RASAL2: variants seen among roughly 807,000 people sequenced by gnomAD.
RASAL2 encodes RAS protein activator like 2.
In RASAL2, 58 loss-of-function variants were observed where a neutral mutation model predicts 128.9. That is an observed-to-expected ratio of 0.45 (90% CI 0.36 to 0.56). The LOEUF is 0.56. RASAL2 is among the 20% of genes least tolerant of loss of function. The pLI, the probability that RASAL2 is intolerant of heterozygous loss-of-function variation, is 0.00. For synonymous variants in RASAL2, 561 were observed against 580.8 expected (o/e 0.97, Z 0.49); for missense variants, 1,360 against 1,601.6 (o/e 0.85, Z 2.57).
chr1:178,277,973 CACCCAGAGTTGTTTGTCTCAT>C (rs1666605005), intron 1 of RASAL2, among the ~76,000 whole-genome samples: 1 of 152,166 alleles, frequency 6.6e-6, no homozygotes, highest in Admixed American at 6.5e-5. Context: ...TGTGAGACAT[CACCCAGAGTTGTTTGTCTCAT>C]GACCAAGAGA....
At chr1:178,453,571 T>G (rs879616128) in intron 11 of RASAL2, among the ~76,000 whole-genome samples, 2 of 152,136 alleles carry the variant, frequency 1.3e-5, no homozygotes, top group Non-Finnish European at 2.9e-5. Flanking sequence ...GGGAAGGAAA[T>G]GTACTAAAAT....
intron 1 of RASAL2, among the ~76,000 whole-genome samples, chr1:178,275,391 A>G (rs1666454033): frequency 6.6e-6 from 1 of 152,218 alleles, no homozygotes; most frequent in Non-Finnish European, 1.5e-5. Flanking sequence ...GAAGAAAACT[A>G]TATGATCTGC....
chr1:178,306,955 G>C (rs1265796127), intron 3 of RASAL2, among the ~76,000 whole-genome samples: 1 of 151,138 alleles, frequency 6.6e-6, no homozygotes, highest in Non-Finnish European at 1.5e-5. Context: ...CATGGCACAT[G>C]TATACATATG....
chr1:178,331,124 T>C (rs1669283544), intron 3 of RASAL2, among the ~76,000 whole-genome samples: 1 of 152,242 alleles, frequency 6.6e-6, no homozygotes, highest in Admixed American at 6.5e-5. Context: ...TGCTCTTCTG[T>C]CTGCTAATGT....
rs193227300 is a variant in RASAL2, at chr1:178,114,710, G to A, written c.202+20016G>A. On this transcript the variant is annotated intron_variant, in intron 1 of 17. Coordinates refer to ENST00000367649, the MANE Select transcript of RASAL2 (RefSeq NM_170692.4). ...CTAATTTTTTCTATCTTTTAGTAGA[G>A]ACGGTGTTTCACCATGTTAGCCAGG... Among the ~76,000 whole-genome samples, 26 of 152,190 alleles carry A rather than the reference G, an allele frequency of 1.7e-4. No homozygotes were observed. The East Asian group carries it at 4.5e-3, about 26-fold the overall frequency.
chr1:178,440,649 A>G (rs1676577065), intron 6 of RASAL2, among the ~76,000 whole-genome samples: 1 of 152,132 alleles, frequency 6.6e-6, no homozygotes. Flanking sequence ...AAATCAGTTG[A>G]ACTTTCTTGT....
At chr1:178,389,151 C>G (rs1260212531) in intron 3 of RASAL2, 5 of 374,228 alleles carry the variant, frequency 1.3e-5, no homozygotes, top group Non-Finnish European at 1.8e-5. Flanking sequence ...ACGATTTACT[C>G]CTTGTTTTCT....
intron 1 of RASAL2, among the ~76,000 whole-genome samples, chr1:178,216,740 A>G (rs961848769): frequency 1.4e-4 from 21 of 152,212 alleles, no homozygotes; most frequent in Middle Eastern, 3.4e-3. Context: ...CCTGGGTCCA[A>G]GTGATTCTCC....
intron 4 of RASAL2, among the ~76,000 whole-genome samples, chr1:178,403,704 G>GA (rs527988370): frequency 3.3e-4 from 50 of 151,462 alleles, no homozygotes; most frequent in South Asian, 6.3e-4. Flanking sequence ...TCTAAAATGT[G>GA]AAAAAAAAGC....
intron 12 of RASAL2, 76 bp downstream of exon 12, chr1:178,454,724 C>G: frequency 7.8e-7 from 1 of 1,285,488 alleles, no homozygotes; most frequent in Non-Finnish European, 1.1e-6. Context: ...TGATAGCACT[C>G]ACTCTTTCTG....
Position 178,100,332 on chromosome 1 carries a change from A to G in RASAL2, c.202+5638A>G, listed in dbSNP as rs539296050. On this transcript the variant is annotated intron_variant, in intron 1 of 17. Transcript: ENST00000367649. The stretch of plus-strand genomic sequence containing the variant: ...GGAGTTTGAGACCAGCCTGGCCAAC[A>G]TGGTGAAACCTTGTCTCTACTATAA... Among the ~76,000 whole-genome samples, 46 of 150,030 alleles carry G rather than the reference A, an allele frequency of 3.1e-4. No individual in the cohort carries two copies. In the South Asian group the frequency reaches 9.6e-3, roughly 31 times the overall value.
intron 3 of RASAL2, among the ~76,000 whole-genome samples, chr1:178,378,015 A>T (rs959485450): frequency 1.3e-5 from 2 of 151,746 alleles, no homozygotes; most frequent in Non-Finnish European, 2.9e-5. Context: ...ACCTGATTTT[A>T]AAAAAAAGAA....
intron 6 of RASAL2, among the ~76,000 whole-genome samples, chr1:178,441,102 G>A (rs1347113439): frequency 1.5e-5 from 2 of 132,652 alleles, no homozygotes; most frequent in African/African-American, 5.7e-5. Context: ...GGAAATGGAT[G>A]TGGATGCTAC....
At chr1:178,354,092 G>T (rs549177482) in intron 3 of RASAL2, among the ~76,000 whole-genome samples, 1 of 152,140 alleles carries the variant, frequency 6.6e-6, no homozygotes, top group South Asian at 2.1e-4. Context: ...GACAATTACA[G>T]GGAGTTTTAC....
chr1:178,132,192 C>T (rs1401084488), intron 1 of RASAL2, among the ~76,000 whole-genome samples: 1 of 151,894 alleles, frequency 6.6e-6, no homozygotes, highest in Non-Finnish European at 1.5e-5. Flanking sequence ...AAGTGTATAC[C>T]ACTATGCCTG....
intron 1 of RASAL2, among the ~76,000 whole-genome samples, chr1:178,150,223 C>G (rs1398392527): frequency 2.0e-5 from 3 of 151,930 alleles, no homozygotes; most frequent in Non-Finnish European, 4.4e-5. Context: ...GCGACGGAGT[C>G]TCACTTTGTC....
At position 178,236,992 on chromosome 1, in the gene RASAL2, G is replaced by C. The variant is rs567902605; in HGVS notation, c.203-46572G>C. 2.0e-5 allele frequency among the ~76,000 whole-genome samples: 3 copies of C among 152,066 alleles called. No homozygotes were observed. The South Asian group carries it at 6.2e-4, about 32-fold the overall frequency. On this transcript the variant is annotated intron_variant, in intron 1 of 17. Transcript: ENST00000367649. ...TTGGTCAGGCTGGTCTCGAACTTCTGATCTCAGGTGATCCACCCGCCTCAG... is the reference window on the plus strand; with the variant it reads ...TTGGTCAGGCTGGTCTCGAACTTCTCATCTCAGGTGATCCACCCGCCTCAG...
intron 1 of RASAL2, among the ~76,000 whole-genome samples, chr1:178,175,430 A>G (rs1033385903): frequency 1.1e-5 from 1 of 91,294 alleles, no homozygotes; most frequent in African/African-American, 4.4e-5. Flanking sequence ...GTGTATATAC[A>G]TGGTTACGTG....
intron 1 of RASAL2, among the ~76,000 whole-genome samples, chr1:178,224,820 T>C (rs766671377): frequency 1.3e-5 from 2 of 152,124 alleles, no homozygotes; most frequent in Non-Finnish European, 2.9e-5. Context: ...TGTTTTCCCT[T>C]TTCATCTCTA....
Sources: allele counts gnomAD v4.1 joint callset (sites outside exome capture counted in the v4.1 genomes callset), GRCh38; gene constraint gnomAD v4.1.1; transcripts MANE v1.5; gene names NCBI Gene and HGNC (gene_info 2026-07-23, HGNC 2026-07-21).